Variants in VRK2 observed in about 807,000 individuals in gnomAD.
The protein encoded by VRK2 is VRK serine/threonine kinase 2, also known as serine/threonine-protein kinase VRK2.
A neutral mutation model predicts 57.6 loss-of-function variants in VRK2; 60 were observed. The ratio of observed to expected loss-of-function variants is 1.04; its 90% CI spans 0.85 to 1.29. VRK2 has a LOEUF of 1.29. VRK2 is among the 50% of genes most tolerant of loss of function. The pLI is 0.00. For synonymous variants in VRK2, 231 were observed against 199.2 expected, an observed-to-expected ratio of 1.16 and a Z score of -1.35; for missense variants, 705 against 588.1, an observed-to-expected ratio of 1.20 and a Z score of -2.06.
intron 1 of VRK2, among the ~76,000 whole-genome samples, chr2:57,983,094 T>G (rs985864620): frequency 1.3e-5 from 2 of 152,146 alleles, no homozygotes; most frequent in African/African-American, 4.8e-5. Context: ...CCTCCTTTTT[T>G]AGCCCACATT....
chr2:58,151,741 T>G (rs1459327416), intron 12 of VRK2, among the ~76,000 whole-genome samples: 1 of 99,586 alleles, frequency 1.0e-5, no homozygotes, highest in Non-Finnish European at 2.0e-5. Flanking sequence ...GTTTTTTTTT[T>G]TTTTTTTTTT....
At chr2:57,973,787 T>C (rs573948846) in intron 1 of VRK2, among the ~76,000 whole-genome samples, 1 of 151,874 alleles carries the variant, frequency 6.6e-6, no homozygotes, top group South Asian at 2.1e-4. Flanking sequence ...AAGATATATA[T>C]ATATATCCCC....
At chr2:58,128,413 C>T (rs1054394311) in intron 8 of VRK2, among the ~76,000 whole-genome samples, 1 of 152,104 alleles carries the variant, frequency 6.6e-6, no homozygotes, top group Non-Finnish European at 1.5e-5. Flanking sequence ...CTCACCACAA[C>T]CTCCACTTCC....
At chr2:57,993,069 C>T (rs1263050092) in intron 1 of VRK2, among the ~76,000 whole-genome samples, 2 of 152,102 alleles carry the variant, frequency 1.3e-5, no homozygotes, top group Non-Finnish European at 2.9e-5. Context: ...TAATTTAATA[C>T]ATGTAAATTA....
intron 1 of VRK2, among the ~76,000 whole-genome samples, chr2:57,930,346 T>TG (rs1670678233): frequency 6.6e-6 from 1 of 152,156 alleles, no homozygotes; most frequent in African/African-American, 2.4e-5. Flanking sequence ...ACAGTACAAC[T>TG]CTGAGTTCCA....
At chr2:57,983,453 C>T (rs552432990) in intron 1 of VRK2, among the ~76,000 whole-genome samples, 1 of 152,064 alleles carries the variant, frequency 6.6e-6, no homozygotes, top group African/African-American at 2.4e-5. Flanking sequence ...ATAACATATT[C>T]ACAGGTTTCA....
At chr2:58,010,799 A>G (rs1673395566) in intron 1 of VRK2, among the ~76,000 whole-genome samples, 2 of 152,270 alleles carry the variant, frequency 1.3e-5, no homozygotes, top group Admixed American at 1.3e-4. Flanking sequence ...TCCCAACTCC[A>G]TGGCAGCTAG....
At chr2:58,003,694 G>A (rs1047311403) in intron 1 of VRK2, among the ~76,000 whole-genome samples, 8 of 152,078 alleles carry the variant, frequency 5.3e-5, no homozygotes, top group African/African-American at 1.4e-4. Flanking sequence ...ATTCTCAAAA[G>A]CAATTGTTTC....
At chr2:58,051,175 C>G (rs1167937850) in intron 2 of VRK2, among the ~76,000 whole-genome samples, 1 of 152,052 alleles carries the variant, frequency 6.6e-6, no homozygotes, top group Non-Finnish European at 1.5e-5. Flanking sequence ...CAAAATAATA[C>G]TGTTTGTTTT....
At chr2:58,152,689 C>T (rs1683248410) in intron 12 of VRK2, among the ~76,000 whole-genome samples, 1 of 151,766 alleles carries the variant, frequency 6.6e-6, no homozygotes, top group Non-Finnish European at 1.5e-5. Flanking sequence ...TTGTATTTCA[C>T]CTGCATTTTT....
intron 9 of VRK2, among the ~76,000 whole-genome samples, chr2:58,132,398 A>C (rs1355758596): frequency 4.6e-5 from 7 of 152,230 alleles, no homozygotes; most frequent in African/African-American, 1.7e-4. Context: ...TTTCTTAAGA[A>C]ACAAAATTTT....
chr2:58,048,807 C>G lies in VRK2; in HGVS notation c.-5-20C>G. On this transcript the variant is annotated intron_variant, in intron 1 of 12. Coordinates refer to ENST00000340157, the MANE Select transcript of VRK2 (RefSeq NM_006296.7). Reference sequence around the variant, plus strand: ...TTTGTTTTTCTTTTTACCCATTTATCTCACCCCTTCTGCCAACAGAAGTGA... The same window carrying G: ...TTTGTTTTTCTTTTTACCCATTTATGTCACCCCTTCTGCCAACAGAAGTGA... 3.1e-6 allele frequency: 5 copies of G among 1,611,022 alleles called. No homozygotes were observed. Among genetic ancestry groups the G allele is most frequent in the Non-Finnish European group, 3.4e-6 (4 of 1,178,604 alleles).
chr2:58,119,918 G>A (rs1677164108), intron 7 of VRK2, among the ~76,000 whole-genome samples: 1 of 151,792 alleles, frequency 6.6e-6, no homozygotes, highest in Admixed American at 6.5e-5. Flanking sequence ...TCTCAACTCT[G>A]CTGTTTTCTT....
At chr2:58,068,105 T>C (rs1668873722) in intron 2 of VRK2, among the ~76,000 whole-genome samples, 1 of 152,028 alleles carries the variant, frequency 6.6e-6, no homozygotes, top group Admixed American at 6.6e-5. Context: ...AATTTTTCTA[T>C]TTTTAGTAGA....
At chr2:57,974,697 T>C (rs1672195645) in intron 1 of VRK2, among the ~76,000 whole-genome samples, 1 of 151,588 alleles carries the variant, frequency 6.6e-6, no homozygotes, top group East Asian at 1.9e-4. Context: ...ATAGAAAACA[T>C]TTAAAGATTA....
chr2:58,105,833 T>C (rs1034007558), intron 7 of VRK2, among the ~76,000 whole-genome samples: 4 of 151,924 alleles, frequency 2.6e-5, no homozygotes, highest in Non-Finnish European at 5.9e-5. Context: ...GAATATGTAG[T>C]TAGTGTAAAC....
chr2:57,911,321 G>A lies in VRK2; in HGVS notation c.-439+3482G>A, dbSNP rs144636921. On this transcript the variant is annotated intron_variant, in intron 1 of 15. Transcript: ENST00000417641. ...GATGCTCTGACAAAAGAAAATAAGA[G>A]TTAAGTTCCATGGTTAAATACATTT... is the stretch of plus-strand genomic sequence containing the variant. Among the ~76,000 whole-genome samples, 109 of 152,170 alleles carry A rather than the reference G, an allele frequency of 7.2e-4. 1 individual carries two copies. The highest frequency in any genetic ancestry group is 7.3e-5 in the Non-Finnish European group (5 of 68,032).
Position 57,987,991 on chromosome 2 carries a change from G to C in VRK2, c.-438-37674G>C, listed in dbSNP as rs530355404. On this transcript the variant is annotated intron_variant, in intron 1 of 15. Transcript: ENST00000417641. ...AGAAAACAGATCAGTTGTTACTAGG[G>C]CCTGGGGTTGGGAGGAAAGATTGAC... Among the ~76,000 whole-genome samples, 4 of 152,270 alleles carry C rather than the reference G, an allele frequency of 2.6e-5. No homozygotes were observed. In the South Asian group the frequency reaches 8.3e-4, roughly 32 times the overall value.
chr2:58,122,028 G>T (rs888826886), intron 7 of VRK2, among the ~76,000 whole-genome samples: 14 of 152,138 alleles, frequency 9.2e-5, no homozygotes, highest in Non-Finnish European at 1.3e-4. Flanking sequence ...TTAACAATCT[G>T]TATTCTGTTT....
Sources: allele counts gnomAD v4.1 joint callset (sites outside exome capture counted in the v4.1 genomes callset), GRCh38; gene constraint gnomAD v4.1.1; transcripts MANE v1.5; gene names NCBI Gene and HGNC (gene_info 2026-07-23, HGNC 2026-07-21).